ZNF555: variants seen among roughly 807,000 people sequenced by gnomAD.
The protein encoded by ZNF555 is zinc finger protein 555.
In ZNF555, 10 loss-of-function variants were observed where a neutral mutation model predicts 14.0. The ratio of observed to expected loss-of-function variants is 0.72; its 90% CI spans 0.44 to 1.21. The LOEUF is 1.21. Among genes scored for constraint, ZNF555 ranks in the 50% most tolerant of loss-of-function variants. The pLI is 0.00. For synonymous variants in ZNF555, 277 were observed against 262.4 expected (o/e 1.06, Z -0.54); for missense variants, 747 against 762.0 (o/e 0.98, Z 0.23).
chr19:2,848,553 A>G (rs2087602065), intron 1 of ZNF555, among the ~76,000 whole-genome samples: 2 of 152,004 alleles, frequency 1.3e-5, no homozygotes, highest in Admixed American at 1.3e-4. Flanking sequence ...GGTTCAAGCT[A>G]TTCTCGTGCC....
rs1238183718 is a variant in ZNF555 at position 2,858,471 on chromosome 19, C to G, written c.*4519C>G. ...ACCCTACACTTCTTCCCAGGAATAT[C>G]CTGCCTGGGAGCATCCTGATCCTGT... On this transcript the variant is annotated 3_prime_UTR_variant, in exon 4 of 4. Transcript: ENST00000334241. 1 of 152,178 alleles carries G rather than the reference C, an allele frequency of 6.6e-6. No homozygotes were observed. 9.4% of individuals were successfully genotyped at this position (152,178 alleles called of 1,614,324 possible). A position where few individuals can be genotyped will look rare whatever the true frequency, so the allele number is the denominator to read the frequency against.
In ZNF555 at chr19:2,852,358, AT is replaced by A. The variant is rs773426140; in HGVS notation, c.315-21del. 462 of 1,613,300 alleles carry A rather than the reference AT, an allele frequency of 2.9e-4. 1 individual carries two copies. The highest frequency in any genetic ancestry group is 2.1e-3 in the Middle Eastern group (13 of 6,062). On this transcript the variant is annotated intron_variant, in intron 3 of 3. Transcript: ENST00000334241. ...TAACAAATCATTATTAATCAAACCA[AT>A]AACATGCTTCTCATTTTTAGTAGAA...
intron 1 of ZNF555, among the ~76,000 whole-genome samples, chr19:2,843,042 C>CAAAA (rs776901173): frequency 1.2e-5 from 1 of 86,182 alleles, no homozygotes; most frequent in Non-Finnish European, 2.5e-5. Context: ...GACTCCGTCT[C>CAAAA]AAAAAAAAAA....
At position 2,860,044 on chromosome 19, in the gene ZNF555, TA is replaced by T; in HGVS notation, c.*6093del. On this transcript the variant is annotated 3_prime_UTR_variant, in exon 4 of 4. Coordinates refer to ENST00000334241, the MANE Select transcript of ZNF555 (RefSeq NM_152791.5). ...ACAAAAAAAAGGAATGCAAGTCAAGTACACTTTGTATGGACAGTGGTAATTC... is the reference window on the plus strand; with the variant it reads ...ACAAAAAAAAGGAATGCAAGTCAAGTCACTTTGTATGGACAGTGGTAATTC... The T allele has an allele frequency of 6.6e-6, 1 of 152,188 alleles. No homozygotes were observed. The highest frequency in any genetic ancestry group is 1.5e-5 in the Non-Finnish European group (1 of 68,046). The allele number at this position is 152,188 out of a possible 1,614,324, so 9.4% of individuals were successfully genotyped here.
chr19:2,843,139 TC>T (rs2144841690), intron 1 of ZNF555, among the ~76,000 whole-genome samples: 1 of 152,220 alleles, frequency 6.6e-6, no homozygotes, highest in African/African-American at 2.4e-5. Context: ...GGAGTGTGTG[TC>T]GTTTCTCAGA....
chr19:2,844,041 C>T (rs1231710364), intron 1 of ZNF555, among the ~76,000 whole-genome samples: 1 of 150,366 alleles, frequency 6.7e-6, no homozygotes, highest in Non-Finnish European at 1.5e-5. Flanking sequence ...CCTAATCTAT[C>T]TTTCTTTTCT....
rs2087641374 is a variant in ZNF555 at position 2,852,623 on chromosome 19, C to T, written c.558C>T (p.His186=). ...ECGQAYSCRS[H]LRMHVRTHNG... Reference sequence around the variant, plus strand: ...GGCAGGCCTACAGTTGTCGTTCACACCTAAGAATGCATGTGAGAACCCACA... The same window carrying T: ...GGCAGGCCTACAGTTGTCGTTCACATCTAAGAATGCATGTGAGAACCCACA... The change falls in exon 4 of 4, where the codon CAC becomes CAT. Residue 186 remains histidine, a synonymous_variant. Coordinates refer to ENST00000334241, the MANE Select transcript of ZNF555 (RefSeq NM_152791.5). The T allele has an allele frequency of 2.5e-6, 4 of 1,614,034 alleles. No individual in the cohort carries two copies. Among genetic ancestry groups the T allele is most frequent in the African/African-American group, 2.7e-5 (2 of 74,918 alleles).
At chr19:2,848,107 C>T (rs543261296) in intron 1 of ZNF555, among the ~76,000 whole-genome samples, 4 of 152,126 alleles carry the variant, frequency 2.6e-5, no homozygotes, top group African/African-American at 9.6e-5. Context: ...GCCCTTTCTC[C>T]TACCTGGAGA....
At chr19:2,844,542 G>C (rs903947242) in intron 1 of ZNF555, among the ~76,000 whole-genome samples, 1 of 152,226 alleles carries the variant, frequency 6.6e-6, no homozygotes, top group Admixed American at 6.5e-5. Context: ...CCCCCAACCA[G>C]GGTGTTTTAA....
chr19:2,844,094 T>TC (rs57214625), intron 1 of ZNF555, among the ~76,000 whole-genome samples: 1,714 of 11,156 alleles, frequency 0.15, 80 homozygotes, highest in South Asian at 0.25. Flanking sequence ...TCTCTCTCTC[T>TC]TTTCTTTTTT....
chr19:2,842,912 G>T (rs2087550290), intron 1 of ZNF555, among the ~76,000 whole-genome samples: 1 of 152,078 alleles, frequency 6.6e-6, no homozygotes, highest in African/African-American at 2.4e-5. Flanking sequence ...GCGTGGTGGC[G>T]GGTGCCTGTA....
rs370147626 is a variant in ZNF555, at chr19:2,852,599, G to T, written c.534G>T (p.Gly178=). ...AACCATATCAGTGCCAGGAATGTGG[G>T]CAGGCCTACAGTTGTCGTTCACACC... ...GHKPYQCQEC[G]QAYSCRSHLR... The change falls in exon 4 of 4, where the codon GGG becomes GGT. Residue 178 remains glycine, a synonymous_variant. Coordinates refer to ENST00000334241, the MANE Select transcript of ZNF555 (RefSeq NM_152791.5). The T allele has an allele frequency of 6.2e-7, 1 of 1,614,136 alleles. No individual in the cohort carries two copies.
chr19:2,854,072 T>A lies in ZNF555; in HGVS notation c.*120T>A. On this transcript the variant is annotated 3_prime_UTR_variant, in exon 4 of 4. Transcript: ENST00000334241. ...GCTATCCTACATGAATTTGAACAGG[T>A]AGTTTCTTACGATTCAGTAAATAAA... is the stretch of plus-strand genomic sequence containing the variant. 1 of 1,257,616 alleles carries A rather than the reference T, an allele frequency of 8.0e-7. No homozygotes were observed. The highest frequency in any genetic ancestry group is 1.1e-6 in the Non-Finnish European group (1 of 918,564). The allele number at this position is 1,257,616 out of a possible 1,614,324, so 77.9% of individuals were successfully genotyped here.
At chr19:2,842,127 T>A (rs1400521878) in intron 1 of ZNF555, among the ~76,000 whole-genome samples, 1 of 151,978 alleles carries the variant, frequency 6.6e-6, no homozygotes, top group African/African-American at 2.4e-5. Flanking sequence ...TGGGGGACCC[T>A]GGGTTCCTCC....
intron 1 of ZNF555, among the ~76,000 whole-genome samples, chr19:2,847,075 G>T (rs1480215193): frequency 1.3e-5 from 2 of 152,156 alleles, no homozygotes; most frequent in Admixed American, 6.6e-5. Context: ...AAAGAGCAAA[G>T]AAGTTGTGTC....
Position 2,859,559 on chromosome 19 carries a change from C to G in ZNF555, c.*5607C>G, listed in dbSNP as rs984350807. The stretch of plus-strand genomic sequence containing the variant: ...AGATACCAGTGATGTCCTAACTGAG[C>G]TCCCTGGGTCTGGTAGTGAGGAGCT... On this transcript the variant is annotated 3_prime_UTR_variant, in exon 4 of 4. Coordinates refer to ENST00000334241, the MANE Select transcript of ZNF555 (RefSeq NM_152791.5). 48 of 152,284 alleles carry G rather than the reference C, an allele frequency of 3.2e-4. No homozygotes were observed. The highest frequency in any genetic ancestry group is 1.1e-3 in the African/African-American group (47 of 41,440). 9.4% of individuals were successfully genotyped at this position (152,284 alleles called of 1,614,324 possible). A position where few individuals can be genotyped will look rare whatever the true frequency, so the allele number is the denominator to read the frequency against.
chr19:2,853,014 T>A lies in ZNF555; in HGVS notation c.949T>A (p.Cys317Ser). The change falls in exon 4 of 4, where the codon TGT becomes AGT. Residue 317 changes from cysteine (C) to serine (S), a missense_variant. Cys to Ser is a moderately radical substitution (Grantham distance 112, BLOSUM62 -1). Transcript: ENST00000334241. ...TGEKPHKCKE[C>S]GEAFSYSSAF... ...AGAGAAGCCACATAAATGTAAAGAA[T>A]GTGGGGAGGCCTTCAGTTATTCTTC... The A allele has an allele frequency of 6.2e-7, 1 of 1,614,166 alleles. No individual in the cohort carries two copies. Among genetic ancestry groups the A allele is most frequent in the South Asian group, 1.1e-5 (1 of 91,078 alleles).
At chr19:2,850,773 C>T (rs1326501319) in intron 2 of ZNF555, 60 bp downstream of exon 2, 12 of 1,599,742 alleles carry the variant, frequency 7.5e-6, no homozygotes, top group Admixed American at 3.4e-5. Flanking sequence ...ATTTCTTACA[C>T]ATCAGACCTG....
Position 2,851,577 on chromosome 19 carries a change from G to C in ZNF555, c.240G>C (p.Trp80Cys). 6.2e-7 allele frequency: 1 copy of C among 1,611,818 alleles called. No individual in the cohort carries two copies. The highest frequency in any genetic ancestry group is 1.3e-5 in the African/African-American group (1 of 74,898). Residue 80 changes from tryptophan (W) to cysteine (C), a missense_variant, in exon 3 of 4, where the codon TGG becomes TGC. By Grantham distance (215) the Trp-to-Cys change is radical (BLOSUM62 -2). Transcript: ENST00000334241. ...CCACGTTCACCAGAAATGTTTCCTGGGCCTCTGTTTTAGGAAAAATTTGGG... is the reference window on the plus strand; with the variant it reads ...CCACGTTCACCAGAAATGTTTCCTGCGCCTCTGTTTTAGGAAAAATTTGGG... ...KIATFTRNVSWASVLGKIWDS... is the reference protein window; with the variant it reads ...KIATFTRNVSCASVLGKIWDS...
Sources: allele counts gnomAD v4.1 joint callset (sites outside exome capture counted in the v4.1 genomes callset), GRCh38; gene constraint gnomAD v4.1.1; transcripts MANE v1.5; gene names NCBI Gene and HGNC (gene_info 2026-07-23, HGNC 2026-07-21).